The following BRIP1 variants were observed in gnomAD, a reference collection of about 807,000 sequenced individuals.
The protein encoded by BRIP1 is BRCA1 interacting DNA helicase 1, also known as Fanconi anemia group J protein.
In BRIP1, 88 loss-of-function variants were observed where a neutral mutation model predicts 119.7. The ratio of observed to expected loss-of-function variants is 0.74; its 90% CI spans 0.62 to 0.88. BRIP1 has a LOEUF of 0.88. BRIP1 is among the 40% of genes least tolerant of loss of function. The pLI is 0.00. For synonymous variants in BRIP1, 443 were observed against 496.5 expected (o/e 0.89, Z 1.43); for missense variants, 1,259 against 1,455.4 (o/e 0.87, Z 2.20).
intron 10 of BRIP1, among the ~76,000 whole-genome samples, chr17:61,785,846 C>T (rs1197354594): frequency 1.3e-5 from 2 of 151,934 alleles, no homozygotes; most frequent in African/African-American, 4.8e-5. Flanking sequence ...AACAGAAGGG[C>T]TAAATGAAAT....
rs941825908 is a variant in BRIP1, at chr17:61,708,213, C to A, written c.2492+7738G>T. Among the ~76,000 whole-genome samples the A allele has an allele frequency of 6.6e-6, 1 of 152,126 alleles. No individual in the cohort carries two copies. Among genetic ancestry groups the A allele is most frequent in the African/African-American group, 2.4e-5 (1 of 41,416 alleles). On this transcript the variant is annotated intron_variant, in intron 17 of 19. Transcript: ENST00000259008. This position sits in a 1 kb window ranked among gnomAD's most constrained non-coding sequence, Gnocchi z 4.4. ...TCTTGCCTATGGTCAAAGTTACTCA[C>A]GGTCAAATGTAGTCCAAAAATATTA...
chr17:61,772,400 G>A (rs1297915051), intron 14 of BRIP1, among the ~76,000 whole-genome samples: 2 of 151,662 alleles, frequency 1.3e-5, no homozygotes, highest in Admixed American at 1.3e-4. Flanking sequence ...ACAGGAAATG[G>A]GGAAAAGGAA....
chr17:61,830,521 T>C (rs2078478345), intron 6 of BRIP1, among the ~76,000 whole-genome samples: 1 of 151,960 alleles, frequency 6.6e-6, no homozygotes, highest in Admixed American at 6.6e-5. Context: ...CTACAGACAC[T>C]TAAAGAAATA....
Position 61,734,716 on chromosome 17 carries a change from CT to C in BRIP1, c.2379+8296del, listed in dbSNP as rs1399328556. Among the ~76,000 whole-genome samples, 3 of 152,182 alleles carry C rather than the reference CT, an allele frequency of 2.0e-5. No homozygotes were observed. The highest frequency in any genetic ancestry group is 7.2e-5 in the African/African-American group (3 of 41,450). The stretch of plus-strand genomic sequence containing the variant: ...TTTGGCTCTAACATACATTTTCCTT[CT>C]TCTCAAAAAGCCAAACCCTGCTATT... On this transcript the variant is annotated intron_variant, in intron 16 of 19. Transcript: ENST00000259008. The surrounding 1 kb of genome is among the most constrained non-coding windows in gnomAD (Gnocchi z 5.2).
chr17:61,741,548 C>T (rs181141019), intron 16 of BRIP1, among the ~76,000 whole-genome samples: 78 of 152,294 alleles, frequency 5.1e-4, no homozygotes, highest in Non-Finnish European at 1.0e-3. Context: ...GAAATTACTC[C>T]TTTATTCATT....
rs907768558 is a variant in BRIP1, at chr17:61,807,461, A to G, written c.918+1006T>C. On this transcript the variant is annotated intron_variant, in intron 7 of 19. Transcript: ENST00000259008. The surrounding 1 kb of genome is among the most constrained non-coding windows in gnomAD (Gnocchi z 4.5). Reference sequence around the variant, plus strand: ...ACTTATACTTTATAATCTCGTTTGAATATCTGTTAAAGTATCTTTTGACCA... The same window carrying G: ...ACTTATACTTTATAATCTCGTTTGAGTATCTGTTAAAGTATCTTTTGACCA... Among the ~76,000 whole-genome samples, 1 of 152,196 alleles carries G rather than the reference A, an allele frequency of 6.6e-6. No individual in the cohort carries two copies. The highest frequency in any genetic ancestry group is 2.4e-5 in the African/African-American group (1 of 41,458).
rs545159686 is a variant in BRIP1 at position 61,731,925 on chromosome 17, A to G, written c.2379+11088T>C. ...TCTAGCCAGATATTAAAAAAAAAAA[A>G]GGTTGCTTTATTATTCTGAATAGTT... On this transcript the variant is annotated intron_variant, in intron 16 of 19. Coordinates refer to ENST00000259008, the MANE Select transcript of BRIP1 (RefSeq NM_032043.3). 1.6e-4 allele frequency among the ~76,000 whole-genome samples: 23 copies of G among 144,582 alleles called. No individual in the cohort carries two copies. In the East Asian group the frequency reaches 4.7e-3, roughly 29 times the overall value. 94.9% of individuals were successfully genotyped at this position (144,582 alleles called of 152,430 possible). A position where few individuals can be genotyped will look rare whatever the true frequency, so the allele number is the denominator to read the frequency against.
intron 6 of BRIP1, among the ~76,000 whole-genome samples, chr17:61,833,921 T>C (rs2078531229): frequency 6.6e-6 from 1 of 152,148 alleles, no homozygotes; most frequent in African/African-American, 2.4e-5. Context: ...AATACATAAA[T>C]AGACAGAGTA....
chr17:61,798,564 G>A lies in BRIP1; in HGVS notation c.1340+536C>T, dbSNP rs1978244. Among the ~76,000 whole-genome samples the A allele has an allele frequency of 0.78, 118,506 of 151,892 alleles. 46,739 individuals are homozygous for A. The highest frequency in any genetic ancestry group is 0.85 in the African/African-American group (35,304 of 41,466). Reference sequence around the variant, plus strand: ...AGAAAAATGCTACAATAAATGAAATGGGATTCAGAGTTGGGAAGTTTTTTT... The same window carrying A: ...AGAAAAATGCTACAATAAATGAAATAGGATTCAGAGTTGGGAAGTTTTTTT... On this transcript the variant is annotated intron_variant, in intron 9 of 19. Transcript: ENST00000259008. This position sits in a 1 kb window ranked among gnomAD's most constrained non-coding sequence, Gnocchi z 5.5.
chr17:61,765,192 A>G (rs562249934), intron 14 of BRIP1, among the ~76,000 whole-genome samples: 2 of 150,634 alleles, frequency 1.3e-5, no homozygotes, highest in Non-Finnish European at 3.0e-5. Context: ...AGCATCAAAA[A>G]ATTGACCAAG....
At chr17:61,859,766 G>A (rs1567876824) in intron 3 of BRIP1, 30 bp downstream of exon 3, 6 of 1,400,336 alleles carry the variant, frequency 4.3e-6, no homozygotes, top group Non-Finnish European at 5.1e-6. Context: ...ATCCCAGTAA[G>A]TAACCTGAAG....
intron 5 of BRIP1, 25 bp from the exon 6 acceptor site, chr17:61,847,245 G>T: frequency 1.2e-6 from 2 of 1,613,066 alleles, no homozygotes; most frequent in Admixed American, 1.7e-5. Flanking sequence ...CCAAAATGAA[G>T]TTTAAGGTGA....
rs2078694940 is a variant in BRIP1, at chr17:61,844,073, A to G, written c.627+3028T>C. 6.6e-6 allele frequency among the ~76,000 whole-genome samples: 1 copy of G among 151,870 alleles called. No individual in the cohort carries two copies. The highest frequency in any genetic ancestry group is 2.4e-5 in the African/African-American group (1 of 41,368). On this transcript the variant is annotated intron_variant, in intron 6 of 19. Transcript: ENST00000259008. The surrounding 1 kb of genome is among the most constrained non-coding windows in gnomAD (Gnocchi z 4.7). ...TGAGTAGCTAGGACTACAAGTACAC[A>G]CCACCACACACAGCTATTTTTTTTC... is the stretch of plus-strand genomic sequence containing the variant.
intron 13 of BRIP1, among the ~76,000 whole-genome samples, chr17:61,777,725 T>G (rs1444494358): frequency 6.6e-6 from 1 of 151,916 alleles, no homozygotes; most frequent in East Asian, 1.9e-4. Flanking sequence ...ACCCTCCAAG[T>G]GTTCAGGAAC....
rs1416491517 is a variant in BRIP1, at chr17:61,805,904, A to G, written c.918+2563T>C. 1.2e-4 allele frequency among the ~76,000 whole-genome samples: 19 copies of G among 152,370 alleles called. No individual in the cohort carries two copies. Among genetic ancestry groups the G allele is most frequent in the Middle Eastern group, 6.8e-3 (2 of 294 alleles). On this transcript the variant is annotated intron_variant, in intron 7 of 19. Transcript: ENST00000259008. This position sits in a 1 kb window ranked among gnomAD's most constrained non-coding sequence, Gnocchi z 5.6. The stretch of plus-strand genomic sequence containing the variant: ...TCTCATTTTAACCAAAAAAAGATAT[A>G]TATCTAAAATAATATTTCAGAATTG...
Position 61,780,861 on chromosome 17 carries a change from A to G in BRIP1, c.1773T>C (p.Phe591=), listed in dbSNP as rs1057523507. ...TTACCACAGCTGGATTTAAGCACCA[A>G]AAGTTTAGCACATGAACTGCAGTTT... ...RQKTAVHVLN[F]WCLNPAVAFS... is the part of the protein sequence containing the mutation. Residue 591 remains phenylalanine (F), a synonymous_variant, in exon 12 of 20, where the codon TTT becomes TTC. Transcript: ENST00000259008. The surrounding 1 kb of genome is among the most constrained non-coding windows in gnomAD (Gnocchi z 5.4). 2.3e-5 allele frequency: 37 copies of G among 1,614,240 alleles called. No homozygotes were observed. Among genetic ancestry groups the G allele is most frequent in the Non-Finnish European group, 3.1e-5 (36 of 1,180,038 alleles).
chr17:61,790,604 C>T lies in BRIP1; in HGVS notation c.1473+2993G>A, dbSNP rs149309011. On this transcript the variant is annotated intron_variant, in intron 10 of 19. Coordinates refer to ENST00000259008, the MANE Select transcript of BRIP1 (RefSeq NM_032043.3). ...GTTGGAAGCAGTTCATTTTTTATTG[C>T]TATGTAGTATTCCACTATATGAATA... 5.8e-3 allele frequency among the ~76,000 whole-genome samples: 878 copies of T among 152,130 alleles called. 10 individuals carry two copies. Among genetic ancestry groups the T allele is most frequent in the African/African-American group, 0.02 (849 of 41,478 alleles).
In BRIP1 at chr17:61,683,303, A is replaced by C. The variant is rs763579793; in HGVS notation, c.3743T>G (p.Phe1248Cys). Residue 1248 changes from phenylalanine to cysteine, a missense_variant, in exon 20 of 20, where the codon TTT becomes TGT. Phe to Cys is a radical substitution (Grantham distance 205). Transcript: ENST00000259008. The surrounding 1 kb of genome is among the most constrained non-coding windows in gnomAD (Gnocchi z 4.7). ...CTTGAGAGTTAAGTATTATTACTTA[A>C]AACCAGGAAACATGCCTTTATTTTT... The part of the protein sequence containing the change: ...PSKNKGMFPG[F>C]K 1.2e-6 allele frequency: 2 copies of C among 1,608,552 alleles called. No homozygotes were observed. The highest frequency in any genetic ancestry group is 3.3e-5 in the Admixed American group (2 of 59,950).
Position 61,683,665 on chromosome 17 carries a change from A to G in BRIP1, c.3381T>C (p.Asp1127=), listed in dbSNP as rs1403990854. The G allele has an allele frequency of 1.2e-6, 2 of 1,613,368 alleles. No individual in the cohort carries two copies. The highest frequency in any genetic ancestry group is 1.3e-5 in the African/African-American group (1 of 74,946). ...SNRDFETEAE[D]ESIYFTPELY... is the part of the protein sequence containing the mutation. Reference sequence around the variant, plus strand: ...GTTCAGGTGTAAAATAGATAGATTCATCTTCTGCTTCTGTTTCAAAATCTC... The same window carrying G: ...GTTCAGGTGTAAAATAGATAGATTCGTCTTCTGCTTCTGTTTCAAAATCTC... Residue 1127 remains aspartate (D), a synonymous_variant, in exon 20 of 20, where the codon GAT becomes GAC. Transcript: ENST00000259008. The surrounding 1 kb of genome is among the most constrained non-coding windows in gnomAD (Gnocchi z 4.7).
Sources: gnomAD v4.1 joint callset for allele counts (sites outside exome capture counted in the v4.1 genomes callset) on GRCh38, gnomAD v4.1.1 for gene constraint, Gnocchi (gnomAD v3.1) non-coding constraint, MANE v1.5 for transcripts, NCBI Gene and HGNC (gene_info 2026-07-23, HGNC 2026-07-21) for gene names.